SIAH3: variants seen among roughly 807,000 people sequenced by gnomAD.
SIAH3 encodes seven in absentia homolog 3.
SIAH3 carries 9 observed loss-of-function variants against 12.6 expected under a neutral mutation model. The ratio of observed to expected loss-of-function variants is 0.72; its 90% CI spans 0.43 to 1.25. The LOEUF is 1.25. Ranked by LOEUF, SIAH3 falls within the 50% of genes most tolerant of loss-of-function variation. The pLI is 0.00. For synonymous variants in SIAH3, 154 were observed against 151.1 expected, an observed-to-expected ratio of 1.02 and a Z score of -0.14; for missense variants, 390 against 365.4, an observed-to-expected ratio of 1.07 and a Z score of -0.55.
At chr13:45,815,590 G>T (rs115817530) in intron 1 of SIAH3, among the ~76,000 whole-genome samples, 1 of 152,072 alleles carries the variant, frequency 6.6e-6, no homozygotes, top group Admixed American at 6.5e-5. Context: ...TCTGGTCTCC[G>T]GAGAACCATG....
chr13:45,815,951 C>G (rs768374535), intron 1 of SIAH3, among the ~76,000 whole-genome samples: 21 of 152,204 alleles, frequency 1.4e-4, no homozygotes, highest in Non-Finnish European at 2.6e-4. Context: ...AGCCCAGGCC[C>G]ACATGAAGCA....
intron 1 of SIAH3, among the ~76,000 whole-genome samples, chr13:45,795,742 C>G (rs1262632151): frequency 2.0e-5 from 3 of 152,098 alleles, no homozygotes; most frequent in Admixed American, 2.0e-4. Context: ...CAATACCTGA[C>G]AAATATGAGC....
At chr13:45,820,105 C>T (rs968913223) in intron 1 of SIAH3, among the ~76,000 whole-genome samples, 14 of 152,310 alleles carry the variant, frequency 9.2e-5, no homozygotes, top group South Asian at 4.2e-4. Flanking sequence ...GGGAGGAATC[C>T]GCACGACTTA....
intron 1 of SIAH3, among the ~76,000 whole-genome samples, chr13:45,835,849 T>C (rs982658257): frequency 2.0e-5 from 3 of 152,244 alleles, no homozygotes; most frequent in Admixed American, 6.5e-5. Context: ...GAATATCACG[T>C]TTCTGCCTTA....
chr13:45,833,988 C>G (rs1057298863), intron 1 of SIAH3, among the ~76,000 whole-genome samples: 1 of 149,252 alleles, frequency 6.7e-6, no homozygotes, highest in Admixed American at 6.7e-5. Context: ...TTTCGCCCAA[C>G]CAATACTGAG....
At chr13:45,823,218 C>T (rs1405124207) in intron 1 of SIAH3, among the ~76,000 whole-genome samples, 1 of 152,154 alleles carries the variant, frequency 6.6e-6, no homozygotes, top group South Asian at 2.1e-4. Flanking sequence ...GCCTGGGGAG[C>T]GTTTAACGAA....
intron 1 of SIAH3, among the ~76,000 whole-genome samples, chr13:45,810,028 G>A (rs1950611161): frequency 6.6e-6 from 1 of 152,200 alleles, no homozygotes; most frequent in Non-Finnish European, 1.5e-5. Flanking sequence ...CTAGTCCTGA[G>A]TCACAGCCCC....
intron 1 of SIAH3, among the ~76,000 whole-genome samples, chr13:45,796,874 G>A (rs1950564651): frequency 6.6e-6 from 1 of 152,170 alleles, no homozygotes; most frequent in Non-Finnish European, 1.5e-5. Flanking sequence ...GGGGGCAGGT[G>A]TTTTATTGAC....
chr13:45,792,685 G>A (rs907987430), intron 1 of SIAH3, among the ~76,000 whole-genome samples: 4 of 152,146 alleles, frequency 2.6e-5, no homozygotes, highest in African/African-American at 4.8e-5. Flanking sequence ...AAGGTAGGAG[G>A]ACAGAATGTA....
intron 1 of SIAH3, among the ~76,000 whole-genome samples, chr13:45,839,683 T>C (rs1950732905): frequency 6.6e-6 from 1 of 151,638 alleles, no homozygotes; most frequent in African/African-American, 2.4e-5. Flanking sequence ...ATACAAAAAA[T>C]TAGCCGGGCG....
intron 1 of SIAH3, among the ~76,000 whole-genome samples, chr13:45,844,138 G>A (rs913187783): frequency 5.3e-5 from 8 of 152,190 alleles, no homozygotes; most frequent in African/African-American, 1.4e-4. Flanking sequence ...AAAGAGATGC[G>A]TATGGGTGCT....
In SIAH3 at chr13:45,784,112, G is replaced by A. The variant is rs745411574; in HGVS notation, c.136-55C>T. On this transcript the variant is annotated intron_variant, in intron 1 of 1. Transcript: ENST00000400405. ...GGGATGAGGCCCACTCTCCCAGGCC[G>A]CCACTCCCCTGATGTTCAAAGTGTT... 55 of 1,477,314 alleles carry A rather than the reference G, an allele frequency of 3.7e-5. No homozygotes were observed. The Middle Eastern group carries it at 2.7e-3, about 73-fold the overall frequency. The allele number at this position is 1,477,314 out of a possible 1,614,324, so 91.5% of individuals were successfully genotyped here.
rs1447930462 is a variant in SIAH3, at chr13:45,777,726, A to T, written c.*5657T>A. 1 of 152,238 alleles carries T rather than the reference A, an allele frequency of 6.6e-6. No individual in the cohort carries two copies. Among genetic ancestry groups the T allele is most frequent in the African/African-American group, 2.4e-5 (1 of 41,456 alleles). The allele number at this position is 152,238 out of a possible 1,614,324, so 9.4% of individuals were successfully genotyped here. A position where few individuals can be genotyped will look rare whatever the true frequency, so the allele number is the denominator to read the frequency against. On this transcript the variant is annotated 3_prime_UTR_variant, in exon 2 of 2. Transcript: ENST00000400405. ...ATCTGACTAGGAGACGCCACTCATGATGCTATTTGCAGCTGAACCTCAATC... is the reference window on the plus strand; with the variant it reads ...ATCTGACTAGGAGACGCCACTCATGTTGCTATTTGCAGCTGAACCTCAATC...
At chr13:45,828,696 C>T (rs1234976470) in intron 1 of SIAH3, among the ~76,000 whole-genome samples, 1 of 152,110 alleles carries the variant, frequency 6.6e-6, no homozygotes, top group Non-Finnish European at 1.5e-5. Flanking sequence ...TCAGGGGGCC[C>T]GAGGTGAAGT....
At chr13:45,836,511 G>A (rs576468581) in intron 1 of SIAH3, among the ~76,000 whole-genome samples, 5 of 152,248 alleles carry the variant, frequency 3.3e-5, no homozygotes, top group South Asian at 2.1e-4. Context: ...GCAAACTAAC[G>A]CATGAACAGA....
In SIAH3 at chr13:45,783,543, G is replaced by A; in HGVS notation, c.650C>T (p.Thr217Met). Residue 217 changes from threonine (T) to methionine (M), a missense_variant, in exon 2 of 2, where the codon ACG (threonine) becomes ATG (methionine). Thr to Met is a moderately conservative substitution (Grantham distance 81). Transcript: ENST00000400405. ...CACGCACTCAAGAACAGACCGGGGC[G>A]TGGCCTCCCACTTGAGGCGCCGATG... ...RNHRRLKWEA[T>M]PRSVLECVDS... is the part of the protein sequence containing the mutation. 1.2e-6 allele frequency: 2 copies of A among 1,614,238 alleles called. No individual in the cohort carries two copies. The highest frequency in any genetic ancestry group is 1.7e-6 in the Non-Finnish European group (2 of 1,180,034).
At chr13:45,847,982 G>C (rs1950766396) in intron 1 of SIAH3, among the ~76,000 whole-genome samples, 1 of 152,094 alleles carries the variant, frequency 6.6e-6, no homozygotes, top group African/African-American at 2.4e-5. Flanking sequence ...AGAAGGCAGG[G>C]CTGCCCAGGG....
At chr13:45,826,526 TA>T (rs1362751071) in intron 1 of SIAH3, among the ~76,000 whole-genome samples, 1 of 151,894 alleles carries the variant, frequency 6.6e-6, no homozygotes, top group Admixed American at 6.6e-5. Flanking sequence ...GATCAATCAA[TA>T]GCGTTCTCTG....
intron 1 of SIAH3, among the ~76,000 whole-genome samples, chr13:45,785,761 C>A (rs1950526064): frequency 6.6e-6 from 1 of 152,194 alleles, no homozygotes; most frequent in African/African-American, 2.4e-5. Context: ...CCAGTAGCGC[C>A]TGTCCTGCCC....
Sources: gnomAD v4.1 joint callset for allele counts (sites outside exome capture counted in the v4.1 genomes callset) on GRCh38, gnomAD v4.1.1 for gene constraint, MANE v1.5 for transcripts, NCBI Gene and HGNC (gene_info 2026-07-23, HGNC 2026-07-21) for gene names.